The following RNF38 variants were observed in gnomAD, a reference collection of about 807,000 sequenced individuals.
RNF38 encodes the protein E3 ubiquitin-protein ligase RNF38.
RNF38 carries 15 observed loss-of-function variants against 67.2 expected under a neutral mutation model. The ratio of observed to expected loss-of-function variants is 0.22; its 90% CI spans 0.15 to 0.34. RNF38 has a LOEUF of 0.34. Among genes scored for constraint, RNF38 ranks in the 10% least tolerant of loss-of-function variants. RNF38 has a pLI of 1.00. For missense variants in RNF38, 524 were observed against 639.9 expected (o/e 0.82, Z 1.95); for synonymous variants, 220 against 218.8 (o/e 1.01, Z -0.05).
intron 3 of RNF38, among the ~76,000 whole-genome samples, chr9:36,374,860 G>A (rs1313181102): frequency 1.3e-5 from 2 of 152,146 alleles, no homozygotes; most frequent in Non-Finnish European, 2.9e-5. Flanking sequence ...CACTTCCTTA[G>A]AGGTCACATC....
intron 2 of RNF38, among the ~76,000 whole-genome samples, chr9:36,412,597 G>A (rs895288995): frequency 1.3e-5 from 2 of 152,298 alleles, no homozygotes; most frequent in East Asian, 1.9e-4. Flanking sequence ...GGTGAAGAGC[G>A]AGATGAGATC....
At position 36,356,440 on chromosome 9, in the gene RNF38, C is replaced by T; in HGVS notation, c.772G>A (p.Val258Ile). Residue 258 changes from valine to isoleucine, a missense_variant, in exon 6 of 12, where the codon GTA becomes ATA. Physicochemically the swap from Val to Ile is conservative, Grantham distance 29. Transcript: ENST00000259605. ...LQACSVQHLPVPYAAFPPLIS... is the reference protein window; with the variant it reads ...LQACSVQHLPIPYAAFPPLIS... ...AGGGGTGGGAATGCAGCATATGGTACTGGTAAGTGCTGAACTGAACATGCC... is the reference window on the plus strand; with the variant it reads ...AGGGGTGGGAATGCAGCATATGGTATTGGTAAGTGCTGAACTGAACATGCC... 2 of 1,612,408 alleles carry T rather than the reference C, an allele frequency of 1.2e-6. No homozygotes were observed. The highest frequency in any genetic ancestry group is 1.7e-6 in the Non-Finnish European group (2 of 1,179,242).
rs535778933 is a variant in RNF38 at position 36,352,843 on chromosome 9, A to G, written c.1077T>C (p.Tyr359=). Residue 359 remains tyrosine (Y), a synonymous_variant, in exon 8 of 12, where the codon TAT becomes TAC. Coordinates refer to ENST00000259605, the MANE Select transcript of RNF38 (RefSeq NM_022781.5). ...TAAGCCTCCGAGGCATAAATGGAGG[A>G]TAAGGCTGCAAGGGGAAAAATGTTA... ...LHQEVSFGVP[Y]PPFMPRRLTG... is the part of the protein sequence containing the mutation. The G allele has an allele frequency of 6.2e-7, 1 of 1,610,684 alleles. No individual in the cohort carries two copies. Among genetic ancestry groups the G allele is most frequent in the South Asian group, 1.1e-5 (1 of 90,986 alleles).
At chr9:36,463,595 A>G (rs1366103832) in intron 1 of RNF38, among the ~76,000 whole-genome samples, 1 of 152,226 alleles carries the variant, frequency 6.6e-6, no homozygotes, top group African/African-American at 2.4e-5. Flanking sequence ...AAAAAAAATC[A>G]TTTGTAATAA....
At chr9:36,439,233 G>A (rs572725147) in intron 1 of RNF38, among the ~76,000 whole-genome samples, 1 of 152,284 alleles carries the variant, frequency 6.6e-6, no homozygotes, top group African/African-American at 2.4e-5. Context: ...ATCACTGGCA[G>A]GAAAAACACT....
intron 2 of RNF38, among the ~76,000 whole-genome samples, chr9:36,412,270 T>C (rs1354358199): frequency 6.6e-6 from 1 of 152,248 alleles, no homozygotes; most frequent in Non-Finnish European, 1.5e-5. Context: ...TTTCCGGCTT[T>C]AGGGATTTTG....
intron 1 of RNF38, among the ~76,000 whole-genome samples, chr9:36,470,403 AAG>A (rs998807817): frequency 6.6e-6 from 1 of 152,160 alleles, no homozygotes; most frequent in Non-Finnish European, 1.5e-5. Flanking sequence ...GGCCCACTGA[AAG>A]AGCAGTGGTT....
chr9:36,387,227 C>T (rs1836716205), intron 2 of RNF38, among the ~76,000 whole-genome samples: 1 of 152,210 alleles, frequency 6.6e-6, no homozygotes, highest in African/African-American at 2.4e-5. Context: ...TCTTAATAAA[C>T]TTGCTTTCAC....
rs779580402 is a variant in RNF38, at chr9:36,356,287, T to C, written c.909+16A>G. The C allele has an allele frequency of 5.6e-6, 9 of 1,612,906 alleles. No individual in the cohort carries two copies. Among genetic ancestry groups the C allele is most frequent in the South Asian group, 4.4e-5 (4 of 91,030 alleles). On this transcript the variant is annotated intron_variant, in intron 6 of 11. Transcript: ENST00000259605. ...TTAAAAACTAAACATTCTGACATAA[T>C]AGTAGAGATACCTACCGATCGTGAT... is the stretch of plus-strand genomic sequence containing the variant.
At chr9:36,456,760 T>C (rs1405073277) in intron 1 of RNF38, among the ~76,000 whole-genome samples, 1 of 152,114 alleles carries the variant, frequency 6.6e-6, no homozygotes, top group Non-Finnish European at 1.5e-5. Context: ...CCAGAACTGT[T>C]ATATTCTGCA....
chr9:36,451,666 A>G (rs998114708), intron 1 of RNF38, among the ~76,000 whole-genome samples: 9 of 150,800 alleles, frequency 6.0e-5, no homozygotes, highest in African/African-American at 2.2e-4. Context: ...ATGCCCAGCT[A>G]ATTTTGTATT....
At chr9:36,394,408 A>G (rs1004374948) in intron 1 of RNF38, among the ~76,000 whole-genome samples, 7 of 152,272 alleles carry the variant, frequency 4.6e-5, no homozygotes, top group African/African-American at 1.7e-4. Context: ...ATAAATTTGT[A>G]GTAATTTGTT....
chr9:36,442,466 A>G (rs188260636), intron 1 of RNF38, among the ~76,000 whole-genome samples: 2 of 152,294 alleles, frequency 1.3e-5, no homozygotes, highest in Admixed American at 6.5e-5. Flanking sequence ...TATAAAGCTC[A>G]TATTTTAAAA....
chr9:36,451,925 A>C (rs1259637140), intron 1 of RNF38, among the ~76,000 whole-genome samples: 1 of 152,084 alleles, frequency 6.6e-6, no homozygotes, highest in Non-Finnish European at 1.5e-5. Context: ...TTAAAAAAAA[A>C]ACTTTTTAAG....
At position 36,433,402 on chromosome 9, in the gene RNF38, A is replaced by G. The variant is rs140241517; in HGVS notation, n.242-8719T>C. Among the ~76,000 whole-genome samples, 415 of 151,974 alleles carry G rather than the reference A, an allele frequency of 2.7e-3. 2 individuals are homozygous for G. Among genetic ancestry groups the G allele is most frequent in the African/African-American group, 8.7e-3 (361 of 41,424 alleles). The stretch of plus-strand genomic sequence containing the variant: ...CTCATGTACCCCCATAAATATATAC[A>G]CCTACTAGGTACCCACAAAAATTAA... On this transcript the variant is annotated intron_variant and non_coding_transcript_variant, in intron 1 of 3. Transcript: ENST00000488058.
At chr9:36,410,628 A>G (rs1440685259) in intron 2 of RNF38, among the ~76,000 whole-genome samples, 1 of 152,252 alleles carries the variant, frequency 6.6e-6, no homozygotes, top group Non-Finnish European at 1.5e-5. Context: ...CGAGGCAGGA[A>G]TGCTGAGGCC....
At chr9:36,358,572 G>A (rs1834297931) in intron 4 of RNF38, among the ~76,000 whole-genome samples, 1 of 152,092 alleles carries the variant, frequency 6.6e-6, no homozygotes, top group African/African-American at 2.4e-5. Flanking sequence ...TGTATGCAAG[G>A]GAGTTAAAAG....
At chr9:36,433,538 G>C (rs981379945) in intron 1 of RNF38, among the ~76,000 whole-genome samples, 1 of 151,756 alleles carries the variant, frequency 6.6e-6, no homozygotes, top group Non-Finnish European at 1.5e-5. Flanking sequence ...TCAGGAGTTC[G>C]AGATCAGGCA....
intron 1 of RNF38, among the ~76,000 whole-genome samples, chr9:36,393,645 G>A (rs1390859388): frequency 6.6e-6 from 1 of 151,824 alleles, no homozygotes; most frequent in African/African-American, 2.4e-5. Context: ...CCCATTATTA[G>A]GTTAAATCAT....
Sources: gnomAD v4.1 joint callset for allele counts (sites outside exome capture counted in the v4.1 genomes callset) on GRCh38, gnomAD v4.1.1 for gene constraint, MANE v1.5 for transcripts, NCBI Gene and HGNC (gene_info 2026-07-23, HGNC 2026-07-21) for gene names.